The following SERPINA12 variants were observed in gnomAD, a reference collection of about 807,000 sequenced individuals.
SERPINA12 encodes serpin A12.
Under a neutral mutation model 25.9 loss-of-function variants are expected in SERPINA12, and 21 were observed. That is an observed-to-expected ratio of 0.81 (90% CI 0.58 to 1.17). The LOEUF (loss-of-function observed/expected upper bound fraction) is 1.17. Ranked by LOEUF, SERPINA12 falls within the 50% of genes most tolerant of loss-of-function variation. The pLI, the probability that SERPINA12 is intolerant of heterozygous loss-of-function variation, is 0.00. For missense variants in SERPINA12, 562 were observed against 508.3 expected (o/e 1.11, Z -1.02); for synonymous variants, 220 against 196.0 (o/e 1.12, Z -1.02).
chr14:94,494,047 A>G (rs7152296), intron 3 of SERPINA12, among the ~76,000 whole-genome samples: 128,002 of 152,078 alleles, frequency 0.84, 53,902 homozygotes, highest in Middle Eastern at 0.85. Context: ...CACTCAGGAC[A>G]GTGAGTTCCA....
upstream of SERPINA12, among the ~76,000 whole-genome samples, chr14:94,509,786 TA>T (rs1901060658): frequency 6.6e-6 from 1 of 152,122 alleles, no homozygotes. Context: ...GTAAACCTCA[TA>T]AAAGTGAGTG....
chr14:94,498,676 A>C (rs1237886292), intron 1 of SERPINA12, among the ~76,000 whole-genome samples: 2 of 152,188 alleles, frequency 1.3e-5, no homozygotes, highest in Non-Finnish European at 2.9e-5. Flanking sequence ...CTTTATGGAA[A>C]CAGTGTCTCA....
At chr14:94,508,271 A>T (rs967783560) in intron 1 of SERPINA12, among the ~76,000 whole-genome samples, 1 of 152,274 alleles carries the variant, frequency 6.6e-6, no homozygotes. Flanking sequence ...TTTTGAAAGA[A>T]AATATTTTTA....
chr14:94,513,023 A>G (rs1350420695), upstream of SERPINA12, among the ~76,000 whole-genome samples: 2 of 152,254 alleles, frequency 1.3e-5, no homozygotes, highest in Admixed American at 6.5e-5. Context: ...AGCCACTAGC[A>G]TAAGAATGAG....
chr14:94,500,878 C>T (rs894813267), intron 1 of SERPINA12: 1 of 985,338 alleles, frequency 1.0e-6, no homozygotes, highest in Non-Finnish European at 1.2e-6. Flanking sequence ...CGGGCAGATA[C>T]ATATTTTTTA....
intron 3 of SERPINA12, among the ~76,000 whole-genome samples, chr14:94,491,179 T>A (rs1406235889): frequency 6.6e-6 from 1 of 152,214 alleles, no homozygotes; most frequent in Admixed American, 6.5e-5. Flanking sequence ...TGCCCCTGAC[T>A]GTGTGTTCTA....
At chr14:94,495,060 CTTTCTT>C (rs1194473895) in intron 3 of SERPINA12, among the ~76,000 whole-genome samples, 1 of 127,412 alleles carries the variant, frequency 7.8e-6, no homozygotes, top group African/African-American at 3.6e-5. Context: ...CAGAATTTCC[CTTTCTT>C]TTTTTTTTTT....
At chr14:94,509,496 A>T (rs1407475211), upstream of SERPINA12, among the ~76,000 whole-genome samples, 1 of 151,968 alleles carries the variant, frequency 6.6e-6, no homozygotes, top group South Asian at 2.1e-4. Context: ...CACAAGCCTT[A>T]TCTACAAACT....
chr14:94,503,007 G>T (rs1002264976), intron 1 of SERPINA12, among the ~76,000 whole-genome samples: 1 of 152,152 alleles, frequency 6.6e-6, no homozygotes, highest in African/African-American at 2.4e-5. Flanking sequence ...GAAATCTGAG[G>T]AATCCTTGCT....
upstream of SERPINA12, chr14:94,511,382 G>T: frequency 1.0e-6 from 1 of 982,404 alleles, no homozygotes; most frequent in South Asian, 4.7e-5. Flanking sequence ...TTATTTAATG[G>T]ATGTGCAGCT....
intron 1 of SERPINA12, among the ~76,000 whole-genome samples, chr14:94,506,065 A>G (rs1900921323): frequency 6.6e-6 from 1 of 152,326 alleles, no homozygotes; most frequent in East Asian, 1.9e-4. Context: ...GACTGCCTGT[A>G]GTTAAGATTC....
chr14:94,489,216 A>C (rs917472896), intron 4 of SERPINA12, among the ~76,000 whole-genome samples: 6 of 151,884 alleles, frequency 4.0e-5, no homozygotes, highest in African/African-American at 1.2e-4. Flanking sequence ...AAAGAGAGAA[A>C]GAGAGAGAGA....
chr14:94,503,899 T>G (rs1049543391), intron 1 of SERPINA12: 1 of 152,256 alleles, frequency 6.6e-6, no homozygotes, highest in Non-Finnish European at 1.5e-5. Flanking sequence ...CCCACATTCA[T>G]GAAGCTTCTC....
At chr14:94,515,694 G>C (rs1256089303) in intron 2 of SERPINA12, 1 of 152,666 alleles carries the variant, frequency 6.6e-6, no homozygotes, top group East Asian at 1.9e-4. Flanking sequence ...GGCAAACAGT[G>C]CAGATGCGGG....
intron 1 of SERPINA12, among the ~76,000 whole-genome samples, chr14:94,501,599 G>A (rs1245022405): frequency 6.6e-6 from 1 of 151,686 alleles, no homozygotes; most frequent in East Asian, 1.9e-4. Flanking sequence ...TGAGGGGGAG[G>A]TGGTGATAAT....
chr14:94,488,036 T>C (rs1899977537), intron 4 of SERPINA12, among the ~76,000 whole-genome samples: 1 of 152,202 alleles, frequency 6.6e-6, no homozygotes, highest in Non-Finnish European at 1.5e-5. Context: ...GGCACATTTC[T>C]TGCTAGCCTA....
chr14:94,516,447 C>G (rs1281462340), intron 1 of SERPINA12, among the ~76,000 whole-genome samples: 1 of 152,202 alleles, frequency 6.6e-6, no homozygotes. Flanking sequence ...ACCTGGAGAA[C>G]TGAAGGAGGA....
intron 3 of SERPINA12, among the ~76,000 whole-genome samples, chr14:94,491,017 A>G (rs940902752): frequency 2.6e-5 from 4 of 152,152 alleles, no homozygotes; most frequent in Non-Finnish European, 5.9e-5. Flanking sequence ...TCAGTCTCAC[A>G]GCTTTGAATA....
chr14:94,496,423 C>T lies in SERPINA12; in HGVS notation c.855G>A (p.Lys285=), dbSNP rs1384609877. The part of the protein sequence containing the change: ...PDEGKLKHLE[K]GLQVDTFSRW... ...TGGAGAAAGTGTCCACCTGCAATCCCTTCTCCAAGTGCTTCAGCTTGCCCT... is the reference window on the plus strand; with the variant it reads ...TGGAGAAAGTGTCCACCTGCAATCCTTTCTCCAAGTGCTTCAGCTTGCCCT... The change falls in exon 3 of 5, where the codon AAG becomes AAA. Residue 285 remains lysine (K), a synonymous_variant. Transcript: ENST00000677451. 5.6e-6 allele frequency: 9 copies of T among 1,614,066 alleles called. No individual in the cohort carries two copies. Among genetic ancestry groups the T allele is most frequent in the Non-Finnish European group, 7.6e-6 (9 of 1,180,044 alleles).
Sources: gnomAD v4.1 joint callset for allele counts (sites outside exome capture counted in the v4.1 genomes callset) on GRCh38, gnomAD v4.1.1 for gene constraint, MANE v1.5 for transcripts, NCBI Gene and HGNC (gene_info 2026-07-23, HGNC 2026-07-21) for gene names.